The following SNX7 variants were observed in gnomAD, a reference collection of about 807,000 sequenced individuals.
SNX7 encodes sorting nexin 7.
In SNX7, 35 loss-of-function variants were observed where a neutral mutation model predicts 48.4. That is an observed-to-expected ratio of 0.72 (90% confidence interval 0.55 to 0.96). The LOEUF (loss-of-function observed/expected upper bound fraction) is 0.96. SNX7 is among the 40% of genes least tolerant of loss of function. SNX7 has a pLI of 0.00. For synonymous variants in SNX7, 190 were observed against 190.2 expected (o/e 1.00, Z 0.01); for missense variants, 553 against 548.9 (o/e 1.01, Z -0.07).
At chr1:98,754,100 C>A (rs1490371797) in intron 8 of SNX7, among the ~76,000 whole-genome samples, 1 of 151,820 alleles carries the variant, frequency 6.6e-6, no homozygotes, top group Non-Finnish European at 1.5e-5. Context: ...TTTTAATAAG[C>A]AATGGACATT....
intron 8 of SNX7, among the ~76,000 whole-genome samples, chr1:98,757,707 T>C (rs77942288): frequency 0.02 from 2,916 of 148,676 alleles, 97 homozygotes; most frequent in African/African-American, 0.07. Context: ...AAACCATTGC[T>C]TTATATATAT....
At chr1:98,745,001 C>A (rs1654246129) in intron 8 of SNX7, among the ~76,000 whole-genome samples, 1 of 152,060 alleles carries the variant, frequency 6.6e-6, no homozygotes, top group Non-Finnish European at 1.5e-5. Flanking sequence ...AATACTGGAA[C>A]AATGTTTCCA....
chr1:98,748,814 G>T (rs1012668039), intron 8 of SNX7, among the ~76,000 whole-genome samples: 23 of 151,938 alleles, frequency 1.5e-4, no homozygotes. Flanking sequence ...CCAAATAGAG[G>T]TATTCCTCCC....
intron 7 of SNX7, among the ~76,000 whole-genome samples, chr1:98,717,987 C>A (rs560607949): frequency 6.6e-6 from 1 of 152,116 alleles, no homozygotes; most frequent in Admixed American, 6.6e-5. Context: ...CTGTTGCAGA[C>A]CCTTGTACCA....
At chr1:98,738,955 C>G (rs1653933836) in intron 8 of SNX7, among the ~76,000 whole-genome samples, 1 of 150,956 alleles carries the variant, frequency 6.6e-6, no homozygotes, top group Non-Finnish European at 1.5e-5. Flanking sequence ...AACCTTATCT[C>G]TGGCTGAATT....
intron 7 of SNX7, among the ~76,000 whole-genome samples, chr1:98,726,285 A>T (rs1162411890): frequency 2.0e-5 from 3 of 152,170 alleles, no homozygotes; most frequent in African/African-American, 7.2e-5. Flanking sequence ...GAAGCAGGTA[A>T]CACCAAATTG....
At chr1:98,679,160 C>T (rs1213433517) in intron 1 of SNX7, among the ~76,000 whole-genome samples, 1 of 152,144 alleles carries the variant, frequency 6.6e-6, no homozygotes, top group East Asian at 1.9e-4. Context: ...TGGTGAAAGG[C>T]AAGGAGGAGC....
At chr1:98,662,577 C>A in intron 1 of SNX7, 3 of 916,652 alleles carry the variant, frequency 3.3e-6, no homozygotes, top group Non-Finnish European at 4.3e-6. Flanking sequence ...CTCTTATTTG[C>A]TTATTTTACT....
At chr1:98,745,232 C>A (rs1367630077) in intron 8 of SNX7, among the ~76,000 whole-genome samples, 2 of 151,914 alleles carry the variant, frequency 1.3e-5, no homozygotes, top group African/African-American at 2.4e-5. Context: ...TGTATTGAAT[C>A]ATTTTTTTTT....
At chr1:98,746,597 T>C (rs767375368) in intron 8 of SNX7, among the ~76,000 whole-genome samples, 2 of 152,094 alleles carry the variant, frequency 1.3e-5, no homozygotes, top group Non-Finnish European at 2.9e-5. Flanking sequence ...TTTCTAATGC[T>C]CATTAGAGTG....
chr1:98,693,891 A>G (rs1043403460), intron 4 of SNX7, among the ~76,000 whole-genome samples: 6 of 152,170 alleles, frequency 3.9e-5, no homozygotes, highest in Admixed American at 3.3e-4. Context: ...GTGTCTCAAC[A>G]AGGGCCACAA....
rs549263830 is a variant in SNX7 at position 98,672,901 on chromosome 1, G to A, written c.180+10990G>A. Among the ~76,000 whole-genome samples, 625 of 131,896 alleles carry A rather than the reference G, an allele frequency of 4.7e-3. 5 individuals are homozygous for A. The highest frequency in any genetic ancestry group is 7.3e-3 in the Non-Finnish European group (469 of 64,406). 86.5% of individuals were successfully genotyped at this position (131,896 alleles called of 152,430 possible). Reference sequence around the variant, plus strand: ...ATTGCGCCACTGCAGTCCGCAGTCCGGCCTGGGCGACAGAGCGAGACTCCG... The same window carrying A: ...ATTGCGCCACTGCAGTCCGCAGTCCAGCCTGGGCGACAGAGCGAGACTCCG... On this transcript the variant is annotated intron_variant, in intron 1 of 8. Transcript: ENST00000306121.
intron 7 of SNX7, among the ~76,000 whole-genome samples, chr1:98,713,854 A>G (rs1013423554): frequency 3.9e-5 from 6 of 152,216 alleles, no homozygotes; most frequent in Non-Finnish European, 8.8e-5. Context: ...CAGTGGTAAC[A>G]TCAAAGACTG....
intron 2 of SNX7, among the ~76,000 whole-genome samples, chr1:98,687,833 CT>C (rs1451969216): frequency 3.3e-5 from 5 of 152,212 alleles, no homozygotes; most frequent in Non-Finnish European, 7.4e-5. Flanking sequence ...CAAGACACAT[CT>C]TACATGGAAG....
chr1:98,667,909 G>A (rs9729435), intron 1 of SNX7, among the ~76,000 whole-genome samples: 141,811 of 149,928 alleles, frequency 0.95, 66,972 homozygotes, highest in East Asian at 1. Flanking sequence ...TGATGATTAG[G>A]AAAAAAAAAA....
intron 1 of SNX7, among the ~76,000 whole-genome samples, chr1:98,663,208 T>C (rs957294727): frequency 7.4e-5 from 11 of 148,664 alleles, no homozygotes; most frequent in African/African-American, 2.5e-4. Context: ...GGATGGGATG[T>C]TGGAAATAGC....
intron 4 of SNX7, among the ~76,000 whole-genome samples, chr1:98,694,465 T>G (rs1651334525): frequency 6.6e-6 from 1 of 151,978 alleles, no homozygotes; most frequent in Non-Finnish European, 1.5e-5. Flanking sequence ...AGTGCTATGT[T>G]CAGGTAGTAT....
At chr1:98,671,896 T>G (rs900908633) in intron 1 of SNX7, among the ~76,000 whole-genome samples, 3 of 152,196 alleles carry the variant, frequency 2.0e-5, no homozygotes. Flanking sequence ...AGATAAGTTT[T>G]TAAGATAAAC....
At position 98,674,018 on chromosome 1, in the gene SNX7, T is replaced by G. The variant is rs186995146; in HGVS notation, c.181-10867T>G. ...TACTGGTTTCTATCTTTGAGGAAGC[T>G]ATGTGTTTTATTTATTTCAGTGGTA... On this transcript the variant is annotated intron_variant, in intron 1 of 8. Transcript: ENST00000306121. 2.9e-4 allele frequency among the ~76,000 whole-genome samples: 44 copies of G among 152,306 alleles called. No individual in the cohort carries two copies. The East Asian group carries it at 7.9e-3, about 27-fold the overall frequency.
Sources: gnomAD v4.1 joint callset for allele counts (sites outside exome capture counted in the v4.1 genomes callset) on GRCh38, gnomAD v4.1.1 for gene constraint, MANE v1.5 for transcripts, NCBI Gene and HGNC (gene_info 2026-07-23, HGNC 2026-07-21) for gene names.